Variants in UIMC1 observed in about 807,000 individuals in gnomAD.
The protein encoded by UIMC1 is BRCA1-A complex subunit RAP80.
UIMC1 carries 42 observed loss-of-function variants against 84.9 expected under a neutral mutation model. That is an observed-to-expected ratio of 0.49 (90% CI 0.39 to 0.64). The LOEUF (loss-of-function observed/expected upper bound fraction) is 0.64, where lower values mean the gene tolerates loss of function less well. Ranked by LOEUF, UIMC1 falls within the 30% of genes least tolerant of loss-of-function variation. UIMC1 has a pLI of 0.00. For synonymous variants in UIMC1, 281 were observed against 293.0 expected, an observed-to-expected ratio of 0.96 and a Z score of 0.42; for missense variants, 825 against 847.6, an observed-to-expected ratio of 0.97 and a Z score of 0.33.
intron 9 of UIMC1, among the ~76,000 whole-genome samples, chr5:176,950,256 C>T (rs985514589): frequency 1.1e-4 from 16 of 151,144 alleles, no homozygotes; most frequent in Admixed American, 5.3e-4. Flanking sequence ...CGCACCACCA[C>T]GCCCAGCTAA....
At chr5:176,951,648 C>G in intron 8 of UIMC1, 71 bp from the exon 9 acceptor site, 3 of 1,097,992 alleles carry the variant, frequency 2.7e-6, no homozygotes, top group Non-Finnish European at 3.9e-6. Context: ...AACAAACATG[C>G]CTATTTTCAC....
At chr5:176,956,344 C>G (rs1222464182) in intron 7 of UIMC1, among the ~76,000 whole-genome samples, 4 of 152,144 alleles carry the variant, frequency 2.6e-5, no homozygotes, top group Non-Finnish European at 4.4e-5. Flanking sequence ...GCAAAAACTC[C>G]ACTCCAATAT....
intron 10 of UIMC1, among the ~76,000 whole-genome samples, chr5:176,928,592 C>T (rs1307386287): frequency 6.6e-6 from 1 of 152,058 alleles, no homozygotes; most frequent in Non-Finnish European, 1.5e-5. Context: ...TTCAACAAAC[C>T]AACTATAAAC....
chr5:177,005,887 C>CA (rs1775182587), intron 1 of UIMC1, among the ~76,000 whole-genome samples: 1 of 152,148 alleles, frequency 6.6e-6, no homozygotes, highest in South Asian at 2.1e-4. Context: ...AGCGGCAGGG[C>CA]ACCAGCCCGC....
intron 1 of UIMC1, among the ~76,000 whole-genome samples, chr5:176,987,792 C>A (rs2149516243): frequency 6.6e-6 from 1 of 151,796 alleles, no homozygotes; most frequent in South Asian, 2.1e-4. Flanking sequence ...CCACTGCACT[C>A]CAGCCTGGGC....
upstream of UIMC1, among the ~76,000 whole-genome samples, chr5:177,009,431 C>T (rs1010099685): frequency 2.0e-5 from 3 of 151,460 alleles, no homozygotes; most frequent in Admixed American, 1.3e-4. The surrounding 1 kb of genome is among the most constrained non-coding windows in gnomAD (Gnocchi z 4.3). Flanking sequence ...ATCATATATA[C>T]CTGGCAACCG....
chr5:177,013,361 A>AACACACACACACACACACACACACACAC (rs6149367), intron 1 of UIMC1, among the ~76,000 whole-genome samples: 1 of 137,732 alleles, frequency 7.3e-6, no homozygotes, highest in African/African-American at 2.7e-5. Flanking sequence ...ACTGCATCCA[A>AACACACACACACACACACACACACACAC]ACACACACAC....
intron 4 of UIMC1, chr5:176,970,413 C>T: frequency 2.8e-6 from 1 of 357,898 alleles, no homozygotes; most frequent in Non-Finnish European, 5.3e-6. Context: ...TCCCACAATA[C>T]TAGAGAAGTT....
intron 10 of UIMC1, among the ~76,000 whole-genome samples, chr5:176,923,735 G>C (rs1450629343): frequency 1.3e-5 from 2 of 150,566 alleles, no homozygotes; most frequent in Non-Finnish European, 3.0e-5. Flanking sequence ...ATGGTGGCGG[G>C]TGCCTATAAT....
At chr5:176,990,014 A>C (rs1449336971) in intron 1 of UIMC1, among the ~76,000 whole-genome samples, 1 of 152,012 alleles carries the variant, frequency 6.6e-6, no homozygotes, top group African/African-American at 2.4e-5. Flanking sequence ...CCCCGTCTCT[A>C]CTAAAAATAC....
At position 176,905,210 on chromosome 5, in the gene UIMC1, G is replaced by A; in HGVS notation, c.*72C>T. On this transcript the variant is annotated 3_prime_UTR_variant, in exon 15 of 15. Transcript: ENST00000511320. ...AAAACTTGCTCAACAATGAACTAGG[G>A]ACCACTATGGCTTAATGAACATGGC... The A allele has an allele frequency of 6.6e-7, 1 of 1,514,320 alleles. No homozygotes were observed. The highest frequency in any genetic ancestry group is 1.2e-5 in the South Asian group (1 of 81,844). 93.8% of individuals were successfully genotyped at this position (1,514,320 alleles called of 1,614,324 possible).
At chr5:176,966,690 A>G (rs1326658069) in intron 6 of UIMC1, among the ~76,000 whole-genome samples, 1 of 152,200 alleles carries the variant, frequency 6.6e-6, no homozygotes, top group Non-Finnish European at 1.5e-5. Flanking sequence ...AGCAAACTAA[A>G]TGTACCAAGA....
intron 1 of UIMC1, among the ~76,000 whole-genome samples, chr5:177,015,493 G>T (rs1775650768): frequency 6.6e-6 from 1 of 152,200 alleles, no homozygotes; most frequent in Non-Finnish European, 1.5e-5. Context: ...GGGTGGCCCA[G>T]CGGGGCATGT....
chr5:176,984,275 G>A (rs1172102341), intron 1 of UIMC1, among the ~76,000 whole-genome samples: 1 of 122,904 alleles, frequency 8.1e-6, no homozygotes, highest in Admixed American at 7.7e-5. Context: ...TCTGGGATGT[G>A]AGGAGCGCCT....
At chr5:176,914,101 C>T (rs1167875590) in intron 10 of UIMC1, among the ~76,000 whole-genome samples, 3 of 152,102 alleles carry the variant, frequency 2.0e-5, no homozygotes, top group Admixed American at 2.0e-4. Flanking sequence ...CCATACCATA[C>T]AATGTTACCA....
At chr5:176,908,808 G>A in intron 11 of UIMC1, 114 bp from the exon 12 acceptor site, 1 of 1,098,404 alleles carries the variant, frequency 9.1e-7, no homozygotes, top group Non-Finnish European at 1.3e-6. Flanking sequence ...CTATGGAGGA[G>A]ACATATCAAC....
At chr5:176,934,708 T>C (rs1255575825) in intron 10 of UIMC1, among the ~76,000 whole-genome samples, 1 of 152,246 alleles carries the variant, frequency 6.6e-6, no homozygotes, top group Non-Finnish European at 1.5e-5. Flanking sequence ...TTCTGACTTG[T>C]ACCCATCTAC....
At chr5:176,978,011 GAA>G (rs574640564) in intron 2 of UIMC1, among the ~76,000 whole-genome samples, 11 of 151,892 alleles carry the variant, frequency 7.2e-5, no homozygotes, top group Middle Eastern at 3.4e-3. Context: ...TTCTAAAGCA[GAA>G]AAAAAGACTT....
At chr5:176,990,277 C>T (rs1379155854) in intron 1 of UIMC1, among the ~76,000 whole-genome samples, 1 of 151,888 alleles carries the variant, frequency 6.6e-6, no homozygotes, top group Non-Finnish European at 1.5e-5. Flanking sequence ...ATAAGAGAGG[C>T]CTAAGAGAAC....
Sources: gnomAD v4.1 joint callset for allele counts (sites outside exome capture counted in the v4.1 genomes callset) on GRCh38, gnomAD v4.1.1 for gene constraint, Gnocchi (gnomAD v3.1) non-coding constraint, MANE v1.5 for transcripts, NCBI Gene and HGNC (gene_info 2026-07-23, HGNC 2026-07-21) for gene names.